NCOR2: variants seen among roughly 807,000 people sequenced by gnomAD.
NCOR2 encodes the protein nuclear receptor corepressor 2.
In NCOR2, 81 loss-of-function variants were observed where a neutral mutation model predicts 262.9. The ratio of observed to expected loss-of-function variants is 0.31; its 90% CI spans 0.26 to 0.37. NCOR2 has a LOEUF of 0.37. NCOR2 is among the 10% of genes least tolerant of loss of function. The pLI is 1.00. For missense variants in NCOR2, 3,385 were observed against 3,621.4 expected (o/e 0.93, Z 1.68); for synonymous variants, 1,659 against 1,559.3 (o/e 1.06, Z -1.51).
intron 1 of NCOR2, among the ~76,000 whole-genome samples, chr12:124,529,133 C>T (rs1455171913): frequency 1.6e-5 from 2 of 127,584 alleles, no homozygotes; most frequent in Non-Finnish European, 1.6e-5. Flanking sequence ...GAGCCGAGAT[C>T]GTGCCATTGC....
intron 10 of NCOR2, 94 bp from the exon 13 acceptor site, chr12:124,426,894 T>C: frequency 8.0e-7 from 1 of 1,256,656 alleles, no homozygotes; most frequent in Non-Finnish European, 1.1e-6. Context: ...GGACGGATGG[T>C]CTGCGCCAGA....
At chr12:124,537,464 A>C (rs1381355420), upstream of NCOR2, among the ~76,000 whole-genome samples, 3 of 152,208 alleles carry the variant, frequency 2.0e-5, no homozygotes, top group Non-Finnish European at 4.4e-5. Context: ...CAGGCTCCCC[A>C]GGTTCCAATC....
chr12:124,479,505 A>ACACACGCACATGCGCG (rs1300702249), intron 3 of NCOR2, among the ~76,000 whole-genome samples: 1 of 151,600 alleles, frequency 6.6e-6, no homozygotes, highest in Non-Finnish European at 1.5e-5. Context: ...ATGCGCGCAT[A>ACACACGCACATGCGCG]CACACGCACA....
At chr12:124,450,121 C>T (rs2045428907) in intron 6 of NCOR2, among the ~76,000 whole-genome samples, 1 of 152,230 alleles carries the variant, frequency 6.6e-6, no homozygotes, top group South Asian at 2.1e-4. Context: ...CTCTGCGGGG[C>T]ATTCAGCAGT....
intron 8 of NCOR2, among the ~76,000 whole-genome samples, chr12:124,431,475 G>C (rs965350642): frequency 2.8e-4 from 40 of 141,758 alleles, no homozygotes; most frequent in African/African-American, 1.0e-3. Context: ...TACACAGAGA[G>C]ACACACACAC....
At chr12:124,362,264 C>T in exon 22 of NCOR2, 1 of 1,313,630 alleles carries the variant, frequency 7.6e-7, no homozygotes, top group Non-Finnish European at 9.7e-7. Flanking sequence ...GGAGCTGCGT[C>T]CTCCCGGGGG....
chr12:124,525,767 A>G (rs1031946044), intron 1 of NCOR2, among the ~76,000 whole-genome samples: 3 of 152,240 alleles, frequency 2.0e-5, no homozygotes, highest in Non-Finnish European at 4.4e-5. Flanking sequence ...GATGAAAAGC[A>G]GCTGCCGTGG....
intron 37 of NCOR2, among the ~76,000 whole-genome samples, chr12:124,339,698 C>T (rs61934017): frequency 1.5e-5 from 1 of 68,760 alleles, no homozygotes; most frequent in Admixed American, 1.7e-4. Flanking sequence ...TGATCATCCA[C>T]CCATCCAACC....
chr12:124,558,758 G>A (rs1034121862), intron 1 of NCOR2, among the ~76,000 whole-genome samples: 24 of 152,180 alleles, frequency 1.6e-4, no homozygotes, highest in African/African-American at 5.8e-4. Flanking sequence ...AGTCAGGAGG[G>A]AGAGGGGCTA....
At position 124,482,954 on chromosome 12, in the gene NCOR2, C is replaced by A. The variant is rs1188059200; in HGVS notation, c.411+642G>T. Among the ~76,000 whole-genome samples the A allele has an allele frequency of 6.6e-6, 1 of 152,168 alleles. No homozygotes were observed. Among genetic ancestry groups the A allele is most frequent in the Non-Finnish European group, 1.5e-5 (1 of 68,010 alleles). ...GGCCATGTCCTAACCAAGCACCGCCCCTTTAGTGCTGAGCCAACTCTGTCT... is the reference window on the plus strand; with the variant it reads ...GGCCATGTCCTAACCAAGCACCGCCACTTTAGTGCTGAGCCAACTCTGTCT... On this transcript the variant is annotated intron_variant, in intron 3 of 46. Transcript: ENST00000405201. The surrounding 1 kb of genome is among the most constrained non-coding windows in gnomAD (Gnocchi z 6.3).
At chr12:124,385,336 G>A (rs542894576) in intron 17 of NCOR2, among the ~76,000 whole-genome samples, 1 of 152,294 alleles carries the variant, frequency 6.6e-6, no homozygotes, top group East Asian at 1.9e-4. Flanking sequence ...AATGGGGCAG[G>A]GGAGCCACTC....
chr12:124,532,495 T>C (rs1452734556), intron 1 of NCOR2, among the ~76,000 whole-genome samples: 1 of 152,220 alleles, frequency 6.6e-6, no homozygotes, highest in Non-Finnish European at 1.5e-5. Flanking sequence ...AGGGGGCTCC[T>C]GGGAGCATCA....
intron 16 of NCOR2, 106 bp downstream of exon 18, chr12:124,398,013 C>G (rs1265239576): frequency 7.5e-7 from 1 of 1,333,500 alleles, no homozygotes; most frequent in East Asian, 2.3e-5. Flanking sequence ...GGCCTCACCA[C>G]AGCCCCTGGC....
At chr12:124,564,750 G>A (rs937116222) in intron 1 of NCOR2, among the ~76,000 whole-genome samples, 2 of 152,082 alleles carry the variant, frequency 1.3e-5, no homozygotes, top group African/African-American at 4.8e-5. Flanking sequence ...CTCTCAGATG[G>A]GGGTTGGGAA....
At chr12:124,442,258 C>G (rs2044854279) in intron 7 of NCOR2, among the ~76,000 whole-genome samples, 1 of 152,206 alleles carries the variant, frequency 6.6e-6, no homozygotes, top group African/African-American at 2.4e-5. Context: ...ATCCTCCTGC[C>G]TCAGCCTCCT....
chr12:124,439,919 G>A (rs1481610158), intron 7 of NCOR2, among the ~76,000 whole-genome samples: 4 of 152,034 alleles, frequency 2.6e-5, no homozygotes. Flanking sequence ...GGAGAGTAGA[G>A]GCGGGAGGTT....
In NCOR2 at chr12:124,362,206, G is replaced by A. The variant is rs778776770; in HGVS notation, c.3020C>T (p.Pro1007Leu). The A allele has an allele frequency of 3.8e-6, 5 of 1,310,354 alleles. No individual in the cohort carries two copies. The highest frequency in any genetic ancestry group is 3.0e-5 in the South Asian group (1 of 33,672). The allele number at this position is 1,310,354 out of a possible 1,614,324, so 81.2% of individuals were successfully genotyped here. A position where few individuals can be genotyped will look rare whatever the true frequency, so the allele number is the denominator to read the frequency against. The change falls in exon 22 of 47, where the codon CCG (proline) becomes CTG (leucine). Residue 1007 changes from proline (P) to leucine (L), a missense_variant. Physicochemically the swap from Pro to Leu is moderately conservative, Grantham distance 98. Around this residue, in one of 5 missense-constraint regions of NCOR2, gnomAD observed 1,615 missense variants for 1,626.9 expected, o/e 0.99. Coordinates refer to ENST00000405201, the Ensembl canonical transcript of NCOR2. ...AGGCTGCTGAGGGGCGTCGCTCTCC[G>A]GCTGCAGGTTTTGCGGTGGCGGTGG...
chr12:124,469,250 G>A (rs533323194), intron 4 of NCOR2, among the ~76,000 whole-genome samples: 18 of 152,214 alleles, frequency 1.2e-4, no homozygotes, highest in Non-Finnish European at 2.6e-4. Context: ...TTACCACAGA[G>A]CAGATCAGTA....
chr12:124,480,957 G>GAGGGGC (rs1461236168), intron 3 of NCOR2, among the ~76,000 whole-genome samples: 1 of 151,672 alleles, frequency 6.6e-6, no homozygotes, highest in East Asian at 1.9e-4. Flanking sequence ...AGGTGAGGGG[G>GAGGGGC]AGGGGCAGGT....
Sources: allele counts gnomAD v4.1 joint callset (sites outside exome capture counted in the v4.1 genomes callset), GRCh38; gene constraint gnomAD v4.1.1; regional missense constraint gnomAD v4.1.1; non-coding constraint Gnocchi (gnomAD v3.1); transcripts MANE v1.5; gene names NCBI Gene and HGNC (gene_info 2026-07-23, HGNC 2026-07-21).